The following GIPC2 variants were observed in gnomAD, a reference collection of about 807,000 sequenced individuals.
The protein encoded by GIPC2 is PDZ domain-containing protein GIPC2.
A neutral mutation model predicts 30.6 loss-of-function variants in GIPC2; 30 were observed. The ratio of observed to expected loss-of-function variants is 0.98; its 90% CI spans 0.73 to 1.33. The LOEUF (loss-of-function observed/expected upper bound fraction) is 1.33, where lower values mean the gene tolerates loss of function less well. Among genes scored for constraint, GIPC2 ranks in the 40% most tolerant of loss-of-function variants. The pLI is 0.00. For missense variants in GIPC2, 414 were observed against 390.3 expected, an observed-to-expected ratio of 1.06 and a Z score of -0.51; for synonymous variants, 167 against 150.0, an observed-to-expected ratio of 1.11 and a Z score of -0.83.
At chr1:78,057,794 A>G (rs949621519) in intron 1 of GIPC2, among the ~76,000 whole-genome samples, 3 of 152,224 alleles carry the variant, frequency 2.0e-5, no homozygotes, top group African/African-American at 4.8e-5. Context: ...GGATACATCA[A>G]TGAATAAAAC....
intron 3 of GIPC2, among the ~76,000 whole-genome samples, chr1:78,118,860 C>T (rs749653758): frequency 3.3e-5 from 5 of 152,164 alleles, no homozygotes; most frequent in Admixed American, 6.5e-5. Context: ...GGGCAATCAC[C>T]GGTCTCATAG....
chr1:78,089,351 T>A (rs1661994503), intron 2 of GIPC2, among the ~76,000 whole-genome samples: 1 of 152,190 alleles, frequency 6.6e-6, no homozygotes, highest in Non-Finnish European at 1.5e-5. Flanking sequence ...ATAGTATTAT[T>A]TGGGGGTATA....
chr1:78,051,789 C>T (rs1215976331), intron 1 of GIPC2, among the ~76,000 whole-genome samples: 1 of 152,240 alleles, frequency 6.6e-6, no homozygotes, highest in Non-Finnish European at 1.5e-5. Flanking sequence ...GCCACCGCAC[C>T]TGGCGTAGAA....
intron 1 of GIPC2, among the ~76,000 whole-genome samples, chr1:78,053,480 A>G (rs1661231775): frequency 6.6e-6 from 1 of 152,144 alleles, no homozygotes; most frequent in Non-Finnish European, 1.5e-5. Context: ...CACAAGGAGC[A>G]ATAAACTGCA....
intron 3 of GIPC2, among the ~76,000 whole-genome samples, chr1:78,114,048 T>G (rs1396374028): frequency 1.3e-5 from 2 of 152,204 alleles, no homozygotes; most frequent in Non-Finnish European, 2.9e-5. Context: ...GGAACAAACC[T>G]GATTGCTTCT....
At chr1:78,130,632 A>G (rs1179673187) in intron 5 of GIPC2, among the ~76,000 whole-genome samples, 1 of 152,208 alleles carries the variant, frequency 6.6e-6, no homozygotes, top group Non-Finnish European at 1.5e-5. Context: ...TGCATATTTT[A>G]TGATTAAACT....
intron 1 of GIPC2, among the ~76,000 whole-genome samples, chr1:78,069,879 T>C (rs749661447): frequency 6.6e-6 from 1 of 152,188 alleles, no homozygotes; most frequent in Non-Finnish European, 1.5e-5. Flanking sequence ...ATTTTCCCCA[T>C]AGAGTGCTCA....
intron 1 of GIPC2, among the ~76,000 whole-genome samples, chr1:78,060,048 G>T (rs1661364003): frequency 6.6e-6 from 1 of 152,152 alleles, no homozygotes; most frequent in African/African-American, 2.4e-5. Context: ...GACATCAAAT[G>T]TAATGTTTGG....
chr1:78,095,050 C>G lies in GIPC2; in HGVS notation c.525C>G (p.His175Gln), dbSNP rs150137198. ...GAGAAAATATTGTTGGGTGGCGTCACTATGATGTTGCTAAGAAGTTAAAGG... is the reference window on the plus strand; with the variant it reads ...GAGAAAATATTGTTGGGTGGCGTCAGTATGATGTTGCTAAGAAGTTAAAGG... ...INGENIVGWR[H>Q]YDVAKKLKEL... The change falls in exon 3 of 6, where the codon CAC (histidine) becomes CAG (glutamine). Residue 175 changes from histidine (H) to glutamine (Q), a missense_variant. By Grantham distance (24) the His-to-Gln change is conservative (BLOSUM62 0). Transcript: ENST00000370759. 4 of 1,608,054 alleles carry G rather than the reference C, an allele frequency of 2.5e-6. No homozygotes were observed. In the African/African-American group the frequency reaches 5.4e-5, roughly 22 times the overall value.
At chr1:78,055,749 G>A (rs1266943439) in intron 1 of GIPC2, among the ~76,000 whole-genome samples, 1 of 152,122 alleles carries the variant, frequency 6.6e-6, no homozygotes, top group Non-Finnish European at 1.5e-5. Context: ...GGGCCTGTGG[G>A]TCAGGTTCAT....
chr1:78,049,460 T>G (rs1480373453), intron 1 of GIPC2, among the ~76,000 whole-genome samples: 1 of 152,130 alleles, frequency 6.6e-6, no homozygotes, highest in African/African-American at 2.4e-5. Context: ...GTGATGTAAA[T>G]AACTTTTGAG....
chr1:78,113,765 C>T (rs1329158108), intron 3 of GIPC2, among the ~76,000 whole-genome samples: 10 of 152,180 alleles, frequency 6.6e-5, no homozygotes, highest in Admixed American at 2.0e-4. Context: ...GTGATCCTCC[C>T]GCCTTGGCCT....
chr1:78,132,354 C>T (rs556109320), intron 5 of GIPC2, among the ~76,000 whole-genome samples: 3 of 152,288 alleles, frequency 2.0e-5, no homozygotes, highest in African/African-American at 7.2e-5. Flanking sequence ...AGCTGTATAA[C>T]TAGACTGTAT....
Position 78,080,752 on chromosome 1 carries a change from C to G in GIPC2, c.318C>G (p.Phe106Leu). 6.2e-7 allele frequency: 1 copy of G among 1,607,604 alleles called. No individual in the cohort carries two copies. The highest frequency in any genetic ancestry group is 8.5e-7 in the Non-Finnish European group (1 of 1,174,200). ...GAGGACAACTAGGACTAGAAGATTT[C>G]ATATTTGCCCATGTGAAAGGAATCG... ...LLGGQLGLED[F>L]IFAHVKGIEK... Residue 106 changes from phenylalanine to leucine, a missense_variant, in exon 2 of 6, where the codon TTC becomes TTG. Phe to Leu is a conservative substitution (Grantham distance 22). Coordinates refer to ENST00000370759, the MANE Select transcript of GIPC2 (RefSeq NM_017655.6).
intron 1 of GIPC2, among the ~76,000 whole-genome samples, chr1:78,062,868 C>T (rs1255121328): frequency 6.6e-6 from 1 of 152,044 alleles, no homozygotes; most frequent in Admixed American, 6.6e-5. Flanking sequence ...AATGGTAATT[C>T]TTGCTAGAAC....
intron 1 of GIPC2, among the ~76,000 whole-genome samples, chr1:78,078,202 A>C (rs1661754622): frequency 6.6e-6 from 1 of 151,388 alleles, no homozygotes; most frequent in Admixed American, 6.6e-5. Flanking sequence ...AAAAAAAAAA[A>C]AAAAAAAACC....
chr1:78,119,361 A>G (rs372526320), intron 3 of GIPC2, 32 bp from the exon 4 acceptor site: 14 of 1,150,448 alleles, frequency 1.2e-5, no homozygotes, highest in Non-Finnish European at 1.8e-5. Context: ...CTTTCTGTGT[A>G]TATGTATGTT....
intron 2 of GIPC2, among the ~76,000 whole-genome samples, chr1:78,084,468 G>C (rs1035008801): frequency 6.8e-6 from 1 of 147,804 alleles, no homozygotes; most frequent in Non-Finnish European, 1.5e-5. Context: ...CCGAGATCAT[G>C]TCACTGCACT....
chr1:78,080,077 C>G (rs936880018), intron 1 of GIPC2, among the ~76,000 whole-genome samples: 15 of 151,852 alleles, frequency 9.9e-5, no homozygotes, highest in African/African-American at 3.1e-4. Context: ...ACACCTCATT[C>G]ACTAAATAAA....
Sources: gnomAD v4.1 joint callset for allele counts (sites outside exome capture counted in the v4.1 genomes callset) on GRCh38, gnomAD v4.1.1 for gene constraint, MANE v1.5 for transcripts, NCBI Gene and HGNC (gene_info 2026-07-23, HGNC 2026-07-21) for gene names.